The following SPTBN5 variants were observed in gnomAD, a reference collection of about 807,000 sequenced individuals.
SPTBN5 encodes spectrin beta, non-erythrocytic 5, also known as spectrin beta chain, non-erythrocytic 5.
Under a neutral mutation model 477.6 loss-of-function variants are expected in SPTBN5, and 513 were observed. The ratio of observed to expected loss-of-function variants is 1.07; its 90% CI spans 1.00 to 1.16. The LOEUF (loss-of-function observed/expected upper bound fraction) is 1.16, where lower values mean the gene tolerates loss of function less well. Among genes scored for constraint, SPTBN5 ranks in the 50% most tolerant of loss-of-function variants. The probability of loss-of-function intolerance (pLI) is 0.00; values close to 1 mark genes in which losing one functional copy is unlikely to be tolerated. For synonymous variants in SPTBN5, 2,169 were observed against 2,011.7 expected (o/e 1.08, Z -2.09); for missense variants, 5,062 against 4,731.8 (o/e 1.07, Z -2.05).
chr15:41,864,124 G>A (rs1034437187), intron 39 of SPTBN5, 100 bp from the exon 40 acceptor site: 21 of 983,398 alleles, frequency 2.1e-5, no homozygotes, highest in Non-Finnish European at 2.6e-5. Flanking sequence ...CCCGGAGCAT[G>A]AGGAACTGCA....
chr15:41,850,322 C>T lies in SPTBN5; in HGVS notation c.10922-363G>A, dbSNP rs114553737. Reference sequence around the variant, plus strand: ...CAGAGCTAGGATCCCAGACACATTCCCTGAACACACGGTCCACACGGAGCC... The same window carrying T: ...CAGAGCTAGGATCCCAGACACATTCTCTGAACACACGGTCCACACGGAGCC... On this transcript the variant is annotated intron_variant, in intron 66 of 67. Transcript: ENST00000320955. The T allele has an allele frequency of 2.4e-3, 723 of 298,276 alleles. 3 individuals carry two copies. Among genetic ancestry groups the T allele is most frequent in the African/African-American group, 0.014 (682 of 47,386 alleles). 18.5% of individuals were successfully genotyped at this position (298,276 alleles called of 1,614,324 possible).
In SPTBN5 at chr15:41,879,436, C is replaced by T. The variant is rs779706930; in HGVS notation, c.3006G>A (p.Val1002=). ...KAVQLAHSVE[V]CSFLQECGPT... ...GTCCACACTCCTGCAGAAAACTGCA[C>T]ACTTCCACACTGTGTGCCAGCTGCA... is the stretch of plus-strand genomic sequence containing the variant. The change falls in exon 16 of 68, where the codon GTG becomes GTA. Residue 1002 remains valine (V), a synonymous_variant. Coordinates refer to ENST00000320955, the MANE Select transcript of SPTBN5 (RefSeq NM_016642.4). The T allele has an allele frequency of 6.2e-7, 1 of 1,608,102 alleles. No homozygotes were observed. The highest frequency in any genetic ancestry group is 8.5e-7 in the Non-Finnish European group (1 of 1,178,564).
intron 6 of SPTBN5, among the ~76,000 whole-genome samples, chr15:41,886,578 G>A (rs987770249): frequency 8.5e-5 from 13 of 152,202 alleles, no homozygotes; most frequent in African/African-American, 3.1e-4. Context: ...ATGACTGAGG[G>A]TGAGGCTATC....
intron 25 of SPTBN5, 31 bp from the exon 26 acceptor site, chr15:41,873,639 G>T: frequency 6.5e-7 from 1 of 1,531,024 alleles, no homozygotes; most frequent in Non-Finnish European, 8.8e-7. Flanking sequence ...TCACCTGGAG[G>T]ATCTCAGACA....
At chr15:41,849,694 G>T (rs928803076) in intron 67 of SPTBN5, among the ~76,000 whole-genome samples, 175 bp downstream of exon 67, 2 of 152,186 alleles carry the variant, frequency 1.3e-5, no homozygotes, top group Non-Finnish European at 2.9e-5. Context: ...GGGCTTTGTG[G>T]CCTGGATTCC....
chr15:41,879,605 C>T, intron 15 of SPTBN5, 106 bp from the exon 16 acceptor site: 1 of 1,555,628 alleles, frequency 6.4e-7, no homozygotes, highest in South Asian at 1.2e-5. Context: ...CTGGCTGTCC[C>T]TTGCCCCTTC....
chr15:41,865,734 A>T, intron 39 of SPTBN5, 74 bp downstream of exon 39: 2 of 1,369,886 alleles, frequency 1.5e-6, no homozygotes, highest in Non-Finnish European at 2.0e-6. Flanking sequence ...TACAGCCCAC[A>T]CTCTTTCCCT....
intron 46 of SPTBN5, 29 bp from the exon 47 acceptor site, chr15:41,860,787 C>G: frequency 6.8e-7 from 1 of 1,478,446 alleles, no homozygotes; most frequent in Non-Finnish European, 9.0e-7. Context: ...CCAATACTGT[C>G]CATGAGCCTC....
intron 36 of SPTBN5, 62 bp downstream of exon 36, chr15:41,866,897 G>A (rs2066338242): frequency 1.3e-6 from 2 of 1,489,880 alleles, no homozygotes; most frequent in East Asian, 4.9e-5. Context: ...CGGTGTGAAG[G>A]CGGCTGAAAA....
intron 61 of SPTBN5, 62 bp downstream of exon 61, chr15:41,852,572 T>A (rs2065800948): frequency 1.9e-6 from 3 of 1,542,920 alleles, no homozygotes; most frequent in Non-Finnish European, 2.7e-6. Context: ...AGACACTGAC[T>A]TGCAGGCTGA....
Position 41,862,208 on chromosome 15 carries a change from C to T in SPTBN5, c.7470G>A (p.Arg2490=). ...GAGCGGGGCTCGTGTCCATCTGAGC[C>T]CGCAGCCTCTGGGCGCTGACCAGCA... The part of the protein sequence containing the change: ...QELLVSAQRL[R]AQMDTSPAPR... The change falls in exon 44 of 68, where the codon CGG becomes CGA. Residue 2490 remains arginine (R), a synonymous_variant. Coordinates refer to ENST00000320955, the MANE Select transcript of SPTBN5 (RefSeq NM_016642.4). 6.2e-7 allele frequency: 1 copy of T among 1,611,580 alleles called. No homozygotes were observed. The highest frequency in any genetic ancestry group is 8.5e-7 in the Non-Finnish European group (1 of 1,179,144).
In SPTBN5 at chr15:41,861,939, G is replaced by A; in HGVS notation, c.7549-16C>T. 1 of 1,591,168 alleles carries A rather than the reference G, an allele frequency of 6.3e-7. No individual in the cohort carries two copies. ...CCAGCTCGGCCTGGAACAGGACTGG[G>A]CTCAGATCACTGGGGGCTGGAAGCA... On this transcript the variant is annotated splice_polypyrimidine_tract_variant and intron_variant, in intron 44 of 67. Transcript: ENST00000320955.
At chr15:41,893,612 C>T in intron 1 of SPTBN5, 66 bp from the exon 2 acceptor site, 3 of 1,452,416 alleles carry the variant, frequency 2.1e-6, no homozygotes, top group Admixed American at 2.5e-5. Context: ...GGCCTGGGGT[C>T]CCGCCTTGCC....
Position 41,855,446 on chromosome 15 carries a change from C to G in SPTBN5, c.9219-18G>C. ...CCTTGGGGCTGTGGGAAGAGAGCGA[C>G]AGTCTGGACTGCAGCCCTGCCTTTC... On this transcript the variant is annotated intron_variant, in intron 54 of 67. Coordinates refer to ENST00000320955, the MANE Select transcript of SPTBN5 (RefSeq NM_016642.4). 1 of 1,596,100 alleles carries G rather than the reference C, an allele frequency of 6.3e-7. No homozygotes were observed. Among genetic ancestry groups the G allele is most frequent in the Non-Finnish European group, 8.5e-7 (1 of 1,169,968 alleles).
chr15:41,862,360 TTC>T, intron 43 of SPTBN5, 68 bp from the exon 44 acceptor site: 1 of 1,537,588 alleles, frequency 6.5e-7, no homozygotes, highest in Non-Finnish European at 8.8e-7. Flanking sequence ...CACTGGTGTC[TTC>T]TGTCCCTTAA....
Position 41,878,174 on chromosome 15 carries a change from T to C in SPTBN5, c.3470+168A>G, listed in dbSNP as rs531288222. Among the ~76,000 whole-genome samples, 47 of 152,184 alleles carry C rather than the reference T, an allele frequency of 3.1e-4. 2 individuals are homozygous for C. The South Asian group carries it at 9.5e-3, about 31-fold the overall frequency. ...CTGCCTGACCCAGTCCTAGATTATA[T>C]CCTCCTCTGTGTAAACTTGCCTCAA... On this transcript the variant is annotated intron_variant, in intron 17 of 67. Coordinates refer to ENST00000320955, the MANE Select transcript of SPTBN5 (RefSeq NM_016642.4).
chr15:41,863,244 CA>C (rs2066179766), intron 41 of SPTBN5, among the ~76,000 whole-genome samples: 1 of 152,258 alleles, frequency 6.6e-6, no homozygotes, highest in Admixed American at 6.5e-5. Context: ...GCGGAGGAAA[CA>C]GCCAGGCATG....
chr15:41,852,067 C>G, intron 62 of SPTBN5, 115 bp downstream of exon 62: 10 of 1,338,946 alleles, frequency 7.5e-6, no homozygotes, highest in Non-Finnish European at 1.0e-5. Flanking sequence ...GCTCCTGTGC[C>G]CGGGCTCCCA....
chr15:41,851,276 C>T lies in SPTBN5; in HGVS notation c.10743+7G>A, dbSNP rs2065752201. The stretch of plus-strand genomic sequence containing the variant: ...GATGTCTGCATCTCCCCTACCCCGC[C>T]TGGTACCTCCGCTGCCATCCTCTCA... On this transcript the variant is annotated splice_region_variant and intron_variant, in intron 64 of 67. Coordinates refer to ENST00000320955, the MANE Select transcript of SPTBN5 (RefSeq NM_016642.4). The T allele has an allele frequency of 2.6e-6, 4 of 1,551,400 alleles. No homozygotes were observed. The South Asian group carries it at 3.6e-5, about 14-fold the overall frequency.
Sources: gnomAD v4.1 joint callset for allele counts (sites outside exome capture counted in the v4.1 genomes callset) on GRCh38, gnomAD v4.1.1 for gene constraint, MANE v1.5 for transcripts, NCBI Gene and HGNC (gene_info 2026-07-23, HGNC 2026-07-21) for gene names.